GATA6: variants seen among roughly 807,000 people sequenced by gnomAD.
GATA6 encodes GATA binding protein 6, also known as transcription factor GATA-6.
GATA6 carries 11 observed loss-of-function variants against 48.1 expected under a neutral mutation model. That is an observed-to-expected ratio of 0.23 (90% CI 0.14 to 0.38). GATA6 has a LOEUF of 0.38. GATA6 is among the 10% of genes least tolerant of loss of function. The pLI is 1.00. For synonymous variants in GATA6, 419 were observed against 396.1 expected (o/e 1.06, Z -0.69); for missense variants, 795 against 850.3 (o/e 0.93, Z 0.81).
chr18:22,177,146 G>A (rs762986229), intron 3 of GATA6, 25 bp downstream of exon 3: 10 of 1,536,788 alleles, frequency 6.5e-6, no homozygotes, highest in Non-Finnish European at 8.8e-6. Flanking sequence ...CCCTGCCCCT[G>A]GCTCGCGGCC....
intron 6 of GATA6, among the ~76,000 whole-genome samples, chr18:22,192,589 TAATTAAGATGGAGA>T (rs2033340897): frequency 6.6e-6 from 1 of 152,242 alleles, no homozygotes; most frequent in African/African-American, 2.4e-5. Context: ...ATGTTTTCTG[TAATTAAGATGGAGA>T]GATTAAGATG....
rs1232062334 is a variant in GATA6, at chr18:22,170,518, G to A, written c.-37-590G>A. Among the ~76,000 whole-genome samples the A allele has an allele frequency of 6.6e-6, 1 of 152,250 alleles. No individual in the cohort carries two copies. The highest frequency in any genetic ancestry group is 1.5e-5 in the Non-Finnish European group (1 of 68,048). On this transcript the variant is annotated intron_variant, in intron 1 of 6. Coordinates refer to ENST00000269216, the MANE Select transcript of GATA6 (RefSeq NM_005257.6). This position sits in a 1 kb window ranked among gnomAD's most constrained non-coding sequence, Gnocchi z 6.7. The stretch of plus-strand genomic sequence containing the variant: ...CTCTCTGGGGCTCGCGTTCGGGCTG[G>A]TCAGCGCAGTCCGGGAAGCTCTGGG...
In GATA6 at chr18:22,171,591, G is replaced by C; in HGVS notation, c.447G>C (p.Gln149His). 3.1e-6 allele frequency: 5 copies of C among 1,601,508 alleles called. No individual in the cohort carries two copies. Among genetic ancestry groups the C allele is most frequent in the Non-Finnish European group, 4.2e-6 (5 of 1,179,230 alleles). ...CCGAGCAGCCGGAGGAGATGTACCA[G>C]ACCCTCGCCGCTCTCTCCAGCCAGG... ...FAPEQPEEMYQTLAALSSQGP... is the reference protein window; with the variant it reads ...FAPEQPEEMYHTLAALSSQGP... Residue 149 changes from glutamine (Q) to histidine (H), a missense_variant, in exon 2 of 7, where the codon CAG becomes CAC. Gln to His is a conservative substitution (Grantham distance 24). Transcript: ENST00000269216. This position sits in a 1 kb window ranked among gnomAD's most constrained non-coding sequence, Gnocchi z 7.1.
Position 22,193,876 on chromosome 18 carries a change from C to T in GATA6, c.1621-6780C>T, listed in dbSNP as rs2033356519. ...CCATGTTTTTCTTTGGAAAAGGCTA[C>T]GCCCTTTCAGGGTTTCCTTTTCTCG... On this transcript the variant is annotated intron_variant, in intron 6 of 6. Transcript: ENST00000269216. Among the ~76,000 whole-genome samples, 4 of 152,178 alleles carry T rather than the reference C, an allele frequency of 2.6e-5. No individual in the cohort carries two copies. In the South Asian group the frequency reaches 6.2e-4, roughly 24 times the overall value.
chr18:22,170,834 G>C lies in GATA6; in HGVS notation c.-37-274G>C. On this transcript the variant is annotated intron_variant, in intron 1 of 6. Transcript: ENST00000269216. This position sits in a 1 kb window ranked among gnomAD's most constrained non-coding sequence, Gnocchi z 6.7. ...AGGATGCGGCCGAGGGGGTGGGCGG[G>C]GAGGACGCGGGGACCGGAGCGGTGC... is the stretch of plus-strand genomic sequence containing the variant. 1 of 481,646 alleles carries C rather than the reference G, an allele frequency of 2.1e-6. No homozygotes were observed. The highest frequency in any genetic ancestry group is 3.7e-6 in the Non-Finnish European group (1 of 268,796). 29.8% of individuals were successfully genotyped at this position (481,646 alleles called of 1,614,324 possible).
In GATA6 at chr18:22,176,970, T is replaced by C; in HGVS notation, c.1151T>C (p.Leu384Pro). Residue 384 changes from leucine (L) to proline (P), a missense_variant, in exon 3 of 7, where the codon CTG becomes CCG. By Grantham distance (98) the Leu-to-Pro change is moderately conservative. Transcript: ENST00000269216. ...RGPSADLLED[L>P]SESRECVNCG... is the part of the protein sequence containing the mutation. ...GTCGCCGCAGACCTGCTGGAGGACCTGTCCGAGAGCCGCGAGTGCGTGAAC... is the reference window on the plus strand; with the variant it reads ...GTCGCCGCAGACCTGCTGGAGGACCCGTCCGAGAGCCGCGAGTGCGTGAAC... 6.4e-7 allele frequency: 1 copy of C among 1,560,806 alleles called. No homozygotes were observed. The highest frequency in any genetic ancestry group is 8.6e-7 in the Non-Finnish European group (1 of 1,156,160).
At chr18:22,178,749 T>C (rs1278496101) in intron 3 of GATA6, among the ~76,000 whole-genome samples, 1 of 152,216 alleles carries the variant, frequency 6.6e-6, no homozygotes, top group East Asian at 1.9e-4. Flanking sequence ...TTAACTGCAG[T>C]GTGTGACTGT....
intron 6 of GATA6, among the ~76,000 whole-genome samples, chr18:22,190,513 T>C (rs1439919570): frequency 6.6e-6 from 1 of 152,208 alleles, no homozygotes; most frequent in Non-Finnish European, 1.5e-5. Flanking sequence ...TGTTTTTTTT[T>C]TCAGTCTATC....
At chr18:22,173,962 A>G (rs1352060954) in intron 2 of GATA6, among the ~76,000 whole-genome samples, 1 of 152,202 alleles carries the variant, frequency 6.6e-6, no homozygotes, top group Non-Finnish European at 1.5e-5. Flanking sequence ...TTCTGCTGCA[A>G]AGCTGGCCCT....
intron 6 of GATA6, among the ~76,000 whole-genome samples, chr18:22,199,127 G>T (rs900755237): frequency 6.6e-6 from 1 of 152,150 alleles, no homozygotes; most frequent in East Asian, 1.9e-4. Flanking sequence ...TGCCCTTATG[G>T]TGAGGGTTGA....
rs1386591986 is a variant in GATA6, at chr18:22,171,574, C to A, written c.430C>A (p.Pro144Thr). The change falls in exon 2 of 7, where the codon CCG becomes ACG. Residue 144 changes from proline (P) to threonine (T), a missense_variant. Physicochemically the swap from Pro to Thr is conservative, Grantham distance 38 (BLOSUM62 -1). Transcript: ENST00000269216. The surrounding 1 kb of genome is among the most constrained non-coding windows in gnomAD (Gnocchi z 7.1). ...GCTGAGCCCCTTCGCACCCGAGCAG[C>A]CGGAGGAGATGTACCAGACCCTCGC... is the stretch of plus-strand genomic sequence containing the variant. ...AKLSPFAPEQPEEMYQTLAAL... is the reference protein window; with the variant it reads ...AKLSPFAPEQTEEMYQTLAAL... 9 of 1,603,354 alleles carry A rather than the reference C, an allele frequency of 5.6e-6. No individual in the cohort carries two copies. Among genetic ancestry groups the A allele is most frequent in the African/African-American group, 1.3e-5 (1 of 74,972 alleles).
chr18:22,199,138 G>C (rs900764796), intron 6 of GATA6, among the ~76,000 whole-genome samples: 4 of 152,174 alleles, frequency 2.6e-5, no homozygotes, highest in Non-Finnish European at 5.9e-5. Context: ...TGAGGGTTGA[G>C]AGCAAACCAG....
chr18:22,177,964 T>TG lies in GATA6; in HGVS notation c.1302+843_1302+844insG, dbSNP rs1474820481. On this transcript the variant is annotated intron_variant, in intron 3 of 6. Transcript: ENST00000269216. Reference sequence around the variant, plus strand: ...TTACTGTTTTTTTGTTTTTTTTTTTTTTTTTTTTTTTTTTGAGACGGAGTT... The same window carrying TG: ...TTACTGTTTTTTTGTTTTTTTTTTTTGTTTTTTTTTTTTTTGAGACGGAGTT... Among the ~76,000 whole-genome samples, 149 of 136,164 alleles carry TG rather than the reference T, an allele frequency of 1.1e-3. 2 individuals carry two copies. The highest frequency in any genetic ancestry group is 2.7e-3 in the South Asian group (11 of 4,098). The allele number at this position is 136,164 out of a possible 152,430, so 89.3% of individuals were successfully genotyped here. A position where few individuals can be genotyped will look rare whatever the true frequency, so the allele number is the denominator to read the frequency against.
chr18:22,192,871 C>A (rs944661205), intron 6 of GATA6, among the ~76,000 whole-genome samples: 2 of 152,156 alleles, frequency 1.3e-5, no homozygotes, highest in African/African-American at 4.8e-5. Context: ...TAAAGTTTGG[C>A]GCCTTTCTTC....
At chr18:22,195,920 C>G (rs2033383659) in intron 6 of GATA6, among the ~76,000 whole-genome samples, 1 of 152,190 alleles carries the variant, frequency 6.6e-6, no homozygotes, top group South Asian at 2.1e-4. Flanking sequence ...CTTTGCGGAG[C>G]CTTTCCCTTC....
chr18:22,182,699 G>C, intron 4 of GATA6, 58 bp from the exon 5 acceptor site: 1 of 1,240,526 alleles, frequency 8.1e-7, no homozygotes, highest in South Asian at 1.3e-5. Flanking sequence ...CCAATGTTGG[G>C]TCTTTGGTTT....
At chr18:22,176,152 A>C (rs1258830387) in intron 2 of GATA6, among the ~76,000 whole-genome samples, 1 of 152,208 alleles carries the variant, frequency 6.6e-6, no homozygotes, top group East Asian at 1.9e-4. Flanking sequence ...TTGCTAACTC[A>C]AAATGATCAC....
chr18:22,172,022 T>G lies in GATA6; in HGVS notation c.878T>G (p.Val293Gly). ...AAAGSGGAGG[V>G]SGGGSSLAAM... Reference sequence around the variant, plus strand: ...GCGGGCAGTGGGGGCGCGGGAGGCGTGAGCGGCGGCGGCAGTAGCCTGGCG... The same window carrying G: ...GCGGGCAGTGGGGGCGCGGGAGGCGGGAGCGGCGGCGGCAGTAGCCTGGCG... The change falls in exon 2 of 7, where the codon GTG (valine) becomes GGG (glycine). Residue 293 changes from valine to glycine, a missense_variant. Transcript: ENST00000269216. The surrounding 1 kb of genome is among the most constrained non-coding windows in gnomAD (Gnocchi z 5.2). The G allele has an allele frequency of 8.0e-7, 1 of 1,246,834 alleles. No homozygotes were observed. The highest frequency in any genetic ancestry group is 1.0e-6 in the Non-Finnish European group (1 of 998,848). 77.2% of individuals were successfully genotyped at this position (1,246,834 alleles called of 1,614,324 possible).
intron 3 of GATA6, among the ~76,000 whole-genome samples, chr18:22,177,953 T>G (rs12967288): frequency 1.0e-5 from 1 of 96,784 alleles, no homozygotes; most frequent in East Asian, 2.7e-4. Flanking sequence ...TGTTTTTTTG[T>G]TTTTTTTTTT....
Sources: gnomAD v4.1 joint callset for allele counts (sites outside exome capture counted in the v4.1 genomes callset) on GRCh38, gnomAD v4.1.1 for gene constraint, Gnocchi (gnomAD v3.1) non-coding constraint, MANE v1.5 for transcripts, NCBI Gene and HGNC (gene_info 2026-07-23, HGNC 2026-07-21) for gene names.